The following FGFR2 variants were observed in gnomAD, a reference collection of about 807,000 sequenced individuals.
FGFR2 encodes the protein BEK fibroblast growth factor receptor.
A neutral mutation model predicts 95.9 loss-of-function variants in FGFR2; 19 were observed. The ratio of observed to expected loss-of-function variants is 0.20; its 90% confidence interval spans 0.14 to 0.29. The LOEUF is 0.29. Among genes scored for constraint, FGFR2 ranks in the 10% least tolerant of loss-of-function variants. The pLI is 1.00. For missense variants in FGFR2, 707 were observed against 1,056.9 expected (o/e 0.67, Z 4.59); for synonymous variants, 392 against 393.3 (o/e 1.00, Z 0.04).
At chr10:121,569,224 C>CT (rs749808833) in intron 2 of FGFR2, among the ~76,000 whole-genome samples, 3,140 of 83,740 alleles carry the variant, frequency 0.037, 76 homozygotes, top group African/African-American at 0.1. Flanking sequence ...CTTTTCTTTT[C>CT]TTTTTTTTTT....
At chr10:121,551,965 T>A (rs942462840) in intron 4 of FGFR2, among the ~76,000 whole-genome samples, 1 of 151,546 alleles carries the variant, frequency 6.6e-6, no homozygotes, top group Admixed American at 6.6e-5. Flanking sequence ...TCTAATATAA[T>A]AAAATAACCC....
At chr10:121,577,343 C>G (rs1860065157) in intron 2 of FGFR2, among the ~76,000 whole-genome samples, 1 of 150,650 alleles carries the variant, frequency 6.6e-6, no homozygotes. Context: ...CTGGCACTTA[C>G]ACATCTGCCA....
chr10:121,551,510 C>T (rs2134847274), intron 4 of FGFR2, 51 bp from the exon 5 acceptor site: 1 of 1,536,238 alleles, frequency 6.5e-7, no homozygotes, highest in Non-Finnish European at 9.0e-7. Flanking sequence ...GCTTCCCCTC[C>T]ATGAGTAAAC....
intron 4 of FGFR2, among the ~76,000 whole-genome samples, chr10:121,555,390 AATCAATCAATC>A (rs1328025123): frequency 2.8e-4 from 42 of 150,368 alleles, no homozygotes; most frequent in East Asian, 1.9e-3. Flanking sequence ...TCAATCAATC[AATCAATCAATC>A]AAATGAATCT....
rs1474021822 is a variant in FGFR2, at chr10:121,598,210, T to C, written c.-399A>G. The C allele has an allele frequency of 5.0e-6, 2 of 397,318 alleles. No individual in the cohort carries two copies. Among genetic ancestry groups the C allele is most frequent in the Admixed American group, 4.4e-5 (1 of 22,684 alleles). The allele number at this position is 397,318 out of a possible 1,614,324, so 24.6% of individuals were successfully genotyped here. On this transcript the variant is annotated 5_prime_UTR_variant, in exon 1 of 18. Coordinates refer to ENST00000358487, the MANE Select transcript of FGFR2 (RefSeq NM_000141.5). ...AGGAAGAAAGGACTCAGGCTTGGCG[T>C]TGCCTCCACCAAACTTTGCTCGCGA...
At chr10:121,483,234 G>A (rs1844990469) in intron 17 of FGFR2, among the ~76,000 whole-genome samples, 1 of 152,134 alleles carries the variant, frequency 6.6e-6, no homozygotes, top group Admixed American at 6.5e-5. Flanking sequence ...GGATCACATA[G>A]GATAGTACTG....
intron 15 of FGFR2, among the ~76,000 whole-genome samples, chr10:121,486,720 A>AGCT (rs1554906877): frequency 6.6e-6 from 1 of 152,212 alleles, no homozygotes; most frequent in Non-Finnish European, 1.5e-5. Context: ...GATTGATTAC[A>AGCT]GGTATGAGTC....
At chr10:121,513,821 ACC>A (rs1046641626) in intron 9 of FGFR2, among the ~76,000 whole-genome samples, 17 of 152,160 alleles carry the variant, frequency 1.1e-4, no homozygotes, top group African/African-American at 3.6e-4. Context: ...ACAAAGAAAG[ACC>A]TGCTTGAAAC....
rs1174108596 is a variant in FGFR2, at chr10:121,485,811, C to A, written c.2058-279G>T. Among the ~76,000 whole-genome samples the A allele has an allele frequency of 6.6e-6, 1 of 152,204 alleles. No homozygotes were observed. Among genetic ancestry groups the A allele is most frequent in the African/African-American group, 2.4e-5 (1 of 41,444 alleles). ...TGTCTTAAATGTGGTGTTAGCAATG[C>A]AAGGATCTCAGTTTCTCAGTTTCAA... On this transcript the variant is annotated intron_variant, in intron 15 of 17. Coordinates refer to ENST00000358487, the MANE Select transcript of FGFR2 (RefSeq NM_000141.5). The surrounding 1 kb of genome is among the most constrained non-coding windows in gnomAD (Gnocchi z 4.2).
At chr10:121,564,456 TCCATGC>T in intron 4 of FGFR2, 40 bp downstream of exon 4, 2 of 1,553,606 alleles carry the variant, frequency 1.3e-6, no homozygotes, top group Non-Finnish European at 1.8e-6. Context: ...AGAACTTCCC[TCCATGC>T]TCCTCTCTCG....
chr10:121,559,146 CA>C (rs1166492574), intron 4 of FGFR2, among the ~76,000 whole-genome samples: 2 of 148,292 alleles, frequency 1.3e-5, no homozygotes, highest in Non-Finnish European at 3.0e-5. Context: ...CAAAAAAGCC[CA>C]AAAACGTCAC....
rs1239940903 is a variant in FGFR2 at position 121,568,516 on chromosome 10, G to C, written c.110-2812C>G. ...CAGCAAAGCTTCCCTCCCTCACAGG[G>C]AAGGCACCTGGGACCCACACACCAA... On this transcript the variant is annotated intron_variant, in intron 2 of 17. Transcript: ENST00000358487. 2.0e-5 allele frequency among the ~76,000 whole-genome samples: 3 copies of C among 152,060 alleles called. No individual in the cohort carries two copies. The East Asian group carries it at 5.8e-4, about 29-fold the overall frequency.
intron 5 of FGFR2, among the ~76,000 whole-genome samples, chr10:121,545,650 T>TA (rs1854392373): frequency 6.6e-6 from 1 of 152,242 alleles, no homozygotes; most frequent in Admixed American, 6.5e-5. Context: ...AACATGCTGA[T>TA]AAGTACATTA....
rs41301557 is a variant in FGFR2, at chr10:121,596,312, G to A, written c.-151+1650C>T. On this transcript the variant is annotated intron_variant, in intron 1 of 17. Transcript: ENST00000358487. ...GCAGAGTGACAAGCAGGAAGGGCTT[G>A]GCTGCGGAGCGGTCCCCATGCCAGG... is the stretch of plus-strand genomic sequence containing the variant. 3.7e-3 allele frequency among the ~76,000 whole-genome samples: 560 copies of A among 152,286 alleles called. 3 individuals carry two copies. Among genetic ancestry groups the A allele is most frequent in the African/African-American group, 0.013 (540 of 41,552 alleles).
At chr10:121,503,523 C>G (rs1589778676) in intron 10 of FGFR2, among the ~76,000 whole-genome samples, 2 of 152,196 alleles carry the variant, frequency 1.3e-5, no homozygotes, top group East Asian at 3.9e-4. Flanking sequence ...TCTGAATTGC[C>G]CAGACACTTA....
intron 9 of FGFR2, among the ~76,000 whole-genome samples, chr10:121,510,269 A>G (rs1848881942): frequency 6.6e-6 from 1 of 152,184 alleles, no homozygotes; most frequent in Non-Finnish European, 1.5e-5. Flanking sequence ...ATGACGCACC[A>G]GCCCCAGATG....
intron 11 of FGFR2, among the ~76,000 whole-genome samples, chr10:121,500,306 T>A (rs1210440822): frequency 2.0e-5 from 3 of 152,226 alleles, no homozygotes; most frequent in Admixed American, 6.5e-5. Context: ...GCACCAGCCC[T>A]GATCCTGTTC....
At position 121,598,185 on chromosome 10, in the gene FGFR2, A is replaced by G. The variant is rs945113132; in HGVS notation, c.-374T>C. 1.5e-5 allele frequency: 6 copies of G among 397,872 alleles called. No homozygotes were observed. In the Admixed American group the frequency reaches 2.6e-4, roughly 18 times the overall value. The allele number at this position is 397,872 out of a possible 1,614,324, so 24.6% of individuals were successfully genotyped here. A position where few individuals can be genotyped will look rare whatever the true frequency, so the allele number is the denominator to read the frequency against. ...GCTGCCCTCGGATTTGGGGAACGAG[A>G]GGAAGAAAGGACTCAGGCTTGGCGT... On this transcript the variant is annotated 5_prime_UTR_variant, in exon 1 of 18. Transcript: ENST00000358487.
chr10:121,578,968 T>G (rs192905715), intron 2 of FGFR2, among the ~76,000 whole-genome samples: 2 of 152,230 alleles, frequency 1.3e-5, no homozygotes, highest in East Asian at 3.9e-4. Context: ...CGGGCTGACA[T>G]TCTTTATTTC....
Sources: allele counts gnomAD v4.1 joint callset (sites outside exome capture counted in the v4.1 genomes callset), GRCh38; gene constraint gnomAD v4.1.1; non-coding constraint Gnocchi (gnomAD v3.1); transcripts MANE v1.5; gene names NCBI Gene and HGNC (gene_info 2026-07-23, HGNC 2026-07-21).